Variants in SPNS2 observed in about 807,000 individuals in gnomAD.
SPNS2 encodes sphingosine-1-phosphate transporter SPNS2.
Under a neutral mutation model 57.6 loss-of-function variants are expected in SPNS2, and 37 were observed. That is an observed-to-expected ratio of 0.64 (90% confidence interval 0.49 to 0.85). SPNS2 has a LOEUF of 0.85. Among genes scored for constraint, SPNS2 ranks in the 40% least tolerant of loss-of-function variants. The pLI, the probability that SPNS2 is intolerant of heterozygous loss-of-function variation, is 0.00. For missense variants in SPNS2, 831 were observed against 779.1 expected, an observed-to-expected ratio of 1.07 and a Z score of -0.79; for synonymous variants, 440 against 346.9, an observed-to-expected ratio of 1.27 and a Z score of -2.98.
In SPNS2 at chr17:4,538,870, T is replaced by TG; in HGVS notation, c.*1423dup. 1.3e-6 allele frequency: 1 copy of TG among 780,974 alleles called. No individual in the cohort carries two copies. The highest frequency in any genetic ancestry group is 2.4e-6 in the Non-Finnish European group (1 of 418,128). 48.4% of individuals were successfully genotyped at this position (780,974 alleles called of 1,614,324 possible). On this transcript the variant is annotated 3_prime_UTR_variant, in exon 13 of 13. Coordinates refer to ENST00000329078, the MANE Select transcript of SPNS2 (RefSeq NM_001124758.3). ...TCCAGCCTCAGCGGGGCCCCAGCGATGTTTTCTTGTTGTACAAGAACCAGG... is the reference window on the plus strand; with the variant it reads ...TCCAGCCTCAGCGGGGCCCCAGCGATGGTTTTCTTGTTGTACAAGAACCAGG...
At chr17:4,533,592 C>T in intron 8 of SPNS2, 160 bp downstream of exon 8, 2 of 1,010,478 alleles carry the variant, frequency 2.0e-6, no homozygotes, top group South Asian at 1.6e-5. Flanking sequence ...CCACACACAG[C>T]CTGTCCAGGG....
intron 5 of SPNS2, among the ~76,000 whole-genome samples, chr17:4,531,630 AAG>A (rs1462088205): frequency 6.6e-6 from 1 of 151,964 alleles, no homozygotes; most frequent in Non-Finnish European, 1.5e-5. Context: ...GCTTAAGACA[AAG>A]TGTTTTTTCC....
intron 2 of SPNS2, among the ~76,000 whole-genome samples, chr17:4,524,553 G>A (rs1005165897): frequency 6.6e-6 from 1 of 152,130 alleles, no homozygotes; most frequent in Non-Finnish European, 1.5e-5. Flanking sequence ...GTGTGGTGGC[G>A]CATGCCTGTA....
chr17:4,536,188 G>T lies in SPNS2; in HGVS notation c.1443+14G>T, dbSNP rs745626563. ...CTCATTGGCTTTGTGAGTAGCCCCG[G>T]GGTGGGGCTGGCCAGGGCAGGCTGG... is the stretch of plus-strand genomic sequence containing the variant. On this transcript the variant is annotated intron_variant, in intron 10 of 12. Coordinates refer to ENST00000329078, the MANE Select transcript of SPNS2 (RefSeq NM_001124758.3). 6.2e-7 allele frequency: 1 copy of T among 1,610,118 alleles called. No individual in the cohort carries two copies. The highest frequency in any genetic ancestry group is 2.2e-5 in the East Asian group (1 of 44,820).
intron 1 of SPNS2, among the ~76,000 whole-genome samples, chr17:4,509,865 A>G (rs948024188): frequency 6.6e-6 from 1 of 152,220 alleles, no homozygotes; most frequent in Non-Finnish European, 1.5e-5. Context: ...CATCTGGGGT[A>G]GGAACCCCAC....
chr17:4,528,584 C>T (rs1905333471), intron 3 of SPNS2, among the ~76,000 whole-genome samples: 1 of 152,114 alleles, frequency 6.6e-6, no homozygotes, highest in African/African-American at 2.4e-5. Context: ...TCAAGCGATT[C>T]TCCTGCCTCA....
Position 4,505,800 on chromosome 17 carries a change from GGGGACA to G in SPNS2, c.370+6387_370+6392del, listed in dbSNP as rs370822242. On this transcript the variant is annotated intron_variant, in intron 1 of 12. Transcript: ENST00000329078. ...AGGCACTAGCCAGAGCTTGGAGGCT[GGGGACA>G]GGGTCCTGTCCTCCTGCCTCCCGCT... Among the ~76,000 whole-genome samples the G allele has an allele frequency of 2.0e-4, 31 of 152,290 alleles. 2 individuals are homozygous for G. In the East Asian group the frequency reaches 4.3e-3, roughly 21 times the overall value.
At chr17:4,527,838 A>T (rs1346188182) in intron 3 of SPNS2, among the ~76,000 whole-genome samples, 1 of 151,784 alleles carries the variant, frequency 6.6e-6, no homozygotes, top group African/African-American at 2.4e-5. Flanking sequence ...AAACGGCAGG[A>T]TATTGTAAAA....
chr17:4,517,359 T>C (rs1267769573), intron 2 of SPNS2, among the ~76,000 whole-genome samples: 1 of 152,018 alleles, frequency 6.6e-6, no homozygotes, highest in Non-Finnish European at 1.5e-5. Context: ...AAACTCAAAT[T>C]CAAAATTAAT....
At position 4,508,760 on chromosome 17, in the gene SPNS2, C is replaced by T. The variant is rs182346991; in HGVS notation, c.371-4487C>T. On this transcript the variant is annotated intron_variant, in intron 1 of 12. Transcript: ENST00000329078. ...GGATATGTGTCAATATGTGCATTGT[C>T]GCTGTTGTTATTGGTACCATTACTG... 3.3e-5 allele frequency among the ~76,000 whole-genome samples: 5 copies of T among 152,310 alleles called. No homozygotes were observed. The East Asian group carries it at 7.7e-4, about 23-fold the overall frequency.
At position 4,538,104 on chromosome 17, in the gene SPNS2, C is replaced by G. The variant is rs1044805526; in HGVS notation, c.*656C>G. The G allele has an allele frequency of 3.6e-5, 12 of 331,836 alleles. No homozygotes were observed. Among genetic ancestry groups the G allele is most frequent in the Non-Finnish European group, 7.2e-5 (12 of 167,254 alleles). 20.6% of individuals were successfully genotyped at this position (331,836 alleles called of 1,614,324 possible). A position where few individuals can be genotyped will look rare whatever the true frequency, so the allele number is the denominator to read the frequency against. On this transcript the variant is annotated 3_prime_UTR_variant, in exon 13 of 13. Coordinates refer to ENST00000329078, the MANE Select transcript of SPNS2 (RefSeq NM_001124758.3). ...GGGTTGGCTCCCAGCCTGGAGGTCC[C>G]AGATGGGGACTGTTCTGACAAGCTG...
At position 4,499,478 on chromosome 17, in the gene SPNS2, C is replaced by G; in HGVS notation, c.370+61C>G. 1 of 1,111,438 alleles carries G rather than the reference C, an allele frequency of 9.0e-7. No individual in the cohort carries two copies. Among genetic ancestry groups the G allele is most frequent in the Non-Finnish European group, 1.2e-6 (1 of 850,960 alleles). 68.8% of individuals were successfully genotyped at this position (1,111,438 alleles called of 1,614,324 possible). ...CCCCACCCCATCCCACCACCCGCCT[C>G]GAGGGAGGTACCCCAGAGAGCTTTT... On this transcript the variant is annotated intron_variant, in intron 1 of 12. Coordinates refer to ENST00000329078, the MANE Select transcript of SPNS2 (RefSeq NM_001124758.3). The surrounding 1 kb of genome is among the most constrained non-coding windows in gnomAD (Gnocchi z 5.2).
chr17:4,529,253 A>T (rs983355950), intron 3 of SPNS2, among the ~76,000 whole-genome samples: 2 of 150,478 alleles, frequency 1.3e-5, no homozygotes, highest in African/African-American at 4.9e-5. Flanking sequence ...TCTTATTTTT[A>T]AATTTTTTTA....
At position 4,539,005 on chromosome 17, in the gene SPNS2, T is replaced by A. The variant is rs756688916; in HGVS notation, c.*1557T>A. On this transcript the variant is annotated 3_prime_UTR_variant, in exon 13 of 13. Coordinates refer to ENST00000329078, the MANE Select transcript of SPNS2 (RefSeq NM_001124758.3). ...AGAGAGAAGCCAAATATATTCCTCT[T>A]GTAAATGAAGAAATAAACCTATTTA... The A allele has an allele frequency of 1.2e-6, 1 of 814,554 alleles. No individual in the cohort carries two copies. The allele number at this position is 814,554 out of a possible 1,614,324, so 50.5% of individuals were successfully genotyped here. A position where few individuals can be genotyped will look rare whatever the true frequency, so the allele number is the denominator to read the frequency against.
chr17:4,500,515 C>T (rs1384436780), intron 1 of SPNS2, among the ~76,000 whole-genome samples: 3 of 152,152 alleles, frequency 2.0e-5, no homozygotes, highest in East Asian at 1.9e-4. Context: ...GAGAGCAGTA[C>T]TGTGTGCCTG....
chr17:4,536,677 G>T (rs1905829930), intron 11 of SPNS2: 2 of 647,038 alleles, frequency 3.1e-6, no homozygotes, highest in South Asian at 3.8e-5. Flanking sequence ...CAAAGCTGGG[G>T]CCCCTCCCCT....
chr17:4,509,699 C>G (rs936979440), intron 1 of SPNS2, among the ~76,000 whole-genome samples: 1 of 152,268 alleles, frequency 6.6e-6, no homozygotes, highest in Non-Finnish European at 1.5e-5. Context: ...AGAGGTGAGA[C>G]CTCCTGGGGC....
rs116519381 is a variant in SPNS2 at position 4,536,065 on chromosome 17, C to T, written c.1345-11C>T. 8.1e-4 allele frequency: 1,307 copies of T among 1,608,322 alleles called. 12 individuals are homozygous for T. The African/African-American group carries it at 0.016, about 19-fold the overall frequency. On this transcript the variant is annotated splice_polypyrimidine_tract_variant and intron_variant, in intron 9 of 12. Transcript: ENST00000329078. ...CTCCTCTGGCCGCTGACCTGCCCGCCTGTTCCGCAGTACGTGGTCATCCCC... is the reference window on the plus strand; with the variant it reads ...CTCCTCTGGCCGCTGACCTGCCCGCTTGTTCCGCAGTACGTGGTCATCCCC...
Position 4,525,133 on chromosome 17 carries a change from C to T in SPNS2, c.513C>T (p.Leu171=), listed in dbSNP as rs779060333. 6.2e-7 allele frequency: 1 copy of T among 1,614,214 alleles called. No individual in the cohort carries two copies. The highest frequency in any genetic ancestry group is 1.1e-5 in the South Asian group (1 of 91,086). Residue 171 remains leucine (L), a synonymous_variant, in exon 3 of 13, where the codon CTC becomes CTT. Coordinates refer to ENST00000329078, the MANE Select transcript of SPNS2 (RefSeq NM_001124758.3). The part of the protein sequence containing the change: ...LGDRFNRKVI[L]SCGIFFWSAV... ...ACCGCTTCAACAGGAAGGTGATTCT[C>T]AGCTGCGGCATTTTCTTCTGGTCGG...
Sources: gnomAD v4.1 joint callset for allele counts (sites outside exome capture counted in the v4.1 genomes callset) on GRCh38, gnomAD v4.1.1 for gene constraint, Gnocchi (gnomAD v3.1) non-coding constraint, MANE v1.5 for transcripts, NCBI Gene and HGNC (gene_info 2026-07-23, HGNC 2026-07-21) for gene names.